Variants in XKR4 observed in about 807,000 individuals in gnomAD.
XKR4 encodes XK-related protein 4.
In XKR4, 12 loss-of-function variants were observed where a neutral mutation model predicts 53.9. The ratio of observed to expected loss-of-function variants is 0.22; its 90% CI spans 0.14 to 0.36. The LOEUF (loss-of-function observed/expected upper bound fraction) is 0.36, where lower values mean the gene tolerates loss of function less well. XKR4 is among the 10% of genes least tolerant of loss of function. The probability of loss-of-function intolerance (pLI) is 1.00; values close to 1 mark genes in which losing one functional copy is unlikely to be tolerated. For missense variants in XKR4, 799 were observed against 859.5 expected, an observed-to-expected ratio of 0.93 and a Z score of 0.88; for synonymous variants, 354 against 362.4, an observed-to-expected ratio of 0.98 and a Z score of 0.26.
chr8:55,435,572 A>AT (rs111621836), intron 2 of XKR4, among the ~76,000 whole-genome samples: 22,127 of 138,854 alleles, frequency 0.16, 2,081 homozygotes, highest in East Asian at 0.38. Context: ...TTATTTTTTT[A>AT]TTTTTTTTTA....
chr8:55,356,380 T>C (rs996120400), intron 1 of XKR4, among the ~76,000 whole-genome samples: 3 of 152,050 alleles, frequency 2.0e-5, no homozygotes, highest in Non-Finnish European at 2.9e-5. Flanking sequence ...AACCACACCA[T>C]GCAAATACAA....
chr8:55,145,790 T>A (rs1816766004), intron 1 of XKR4, among the ~76,000 whole-genome samples: 1 of 152,236 alleles, frequency 6.6e-6, no homozygotes, highest in African/African-American at 2.4e-5. Flanking sequence ...TCTGTTTACA[T>A]CTTTTCATCT....
intron 2 of XKR4, among the ~76,000 whole-genome samples, chr8:55,399,842 G>A (rs187736359): frequency 7.2e-5 from 11 of 152,308 alleles, no homozygotes; most frequent in African/African-American, 2.4e-4. Flanking sequence ...GGAGTCCATC[G>A]TGGAGACTTG....
chr8:55,282,781 C>A (rs2129374091), intron 1 of XKR4, among the ~76,000 whole-genome samples: 1 of 152,312 alleles, frequency 6.6e-6, no homozygotes, highest in African/African-American at 2.4e-5. Flanking sequence ...GCCAGTTATA[C>A]AAAACTGTAT....
Position 55,241,087 on chromosome 8 carries a change from A to T in XKR4, c.807-116591A>T, listed in dbSNP as rs560448863. On this transcript the variant is annotated intron_variant, in intron 1 of 2. Coordinates refer to ENST00000327381, the MANE Select transcript of XKR4 (RefSeq NM_052898.2). ...TGCTCACATCTACTTTAAAAAAAGAAACCTTCAAAACTAGTGTATTTGACT... is the reference window on the plus strand; with the variant it reads ...TGCTCACATCTACTTTAAAAAAAGATACCTTCAAAACTAGTGTATTTGACT... Among the ~76,000 whole-genome samples, 5 of 152,348 alleles carry T rather than the reference A, an allele frequency of 3.3e-5. No homozygotes were observed. In the East Asian group the frequency reaches 9.6e-4, roughly 29 times the overall value.
chr8:55,409,421 A>G (rs1804743025), intron 2 of XKR4, among the ~76,000 whole-genome samples: 1 of 152,242 alleles, frequency 6.6e-6, no homozygotes, highest in Non-Finnish European at 1.5e-5. Flanking sequence ...TTATTTAACC[A>G]GAGTGAGCTT....
intron 2 of XKR4, among the ~76,000 whole-genome samples, chr8:55,363,782 G>A (rs1432807851): frequency 6.6e-6 from 1 of 152,178 alleles, no homozygotes; most frequent in Non-Finnish European, 1.5e-5. Context: ...GAGAGTGCCA[G>A]TCTGTGAGGG....
At chr8:55,167,001 A>G (rs1354108449) in intron 1 of XKR4, among the ~76,000 whole-genome samples, 1 of 152,194 alleles carries the variant, frequency 6.6e-6, no homozygotes, top group African/African-American at 2.4e-5. Context: ...CAAGGGAGAG[A>G]GGATGGAAAC....
chr8:55,195,875 T>G (rs1817498255), intron 1 of XKR4, among the ~76,000 whole-genome samples: 1 of 152,142 alleles, frequency 6.6e-6, no homozygotes, highest in Non-Finnish European at 1.5e-5. Flanking sequence ...ATACCACAGC[T>G]CAGGCCACGC....
intron 1 of XKR4, among the ~76,000 whole-genome samples, chr8:55,323,612 G>T (rs909818756): frequency 2.6e-5 from 4 of 152,316 alleles, no homozygotes; most frequent in African/African-American, 9.6e-5. Flanking sequence ...CATTTGGGTT[G>T]TTTCCAGGTT....
chr8:55,508,680 G>C (rs1208938689), intron 2 of XKR4, among the ~76,000 whole-genome samples: 1 of 152,234 alleles, frequency 6.6e-6, no homozygotes, highest in Non-Finnish European at 1.5e-5. Context: ...GAGAGAAGGA[G>C]GTGGAGGCCC....
At chr8:55,357,577 C>T in intron 1 of XKR4, 101 bp from the exon 2 acceptor site, 1 of 1,230,784 alleles carries the variant, frequency 8.1e-7, no homozygotes, top group Non-Finnish European at 1.2e-6. Flanking sequence ...GTTTCTTGTG[C>T]TTGCTTGCAT....
intron 1 of XKR4, among the ~76,000 whole-genome samples, chr8:55,306,966 G>A: frequency 6.7e-6 from 1 of 148,678 alleles, no homozygotes; most frequent in Non-Finnish European, 1.5e-5. Flanking sequence ...CTCAACCTAA[G>A]CCTCACACCT....
intron 2 of XKR4, among the ~76,000 whole-genome samples, chr8:55,471,797 C>T (rs1423656371): frequency 2.0e-5 from 3 of 152,102 alleles, no homozygotes; most frequent in African/African-American, 7.3e-5. Context: ...CCCCCTCTTG[C>T]TCCTGCTCTT....
intron 1 of XKR4, chr8:55,142,372 G>T (rs1816718139): frequency 3.2e-6 from 1 of 314,290 alleles, no homozygotes; most frequent in African/African-American, 2.2e-5. Context: ...GGTCTGTCCT[G>T]CCTCTTGGCA....
intron 2 of XKR4, among the ~76,000 whole-genome samples, chr8:55,412,745 C>G (rs1688729726): frequency 6.6e-6 from 1 of 152,242 alleles, no homozygotes; most frequent in African/African-American, 2.4e-5. Context: ...CAGGAGAACA[C>G]TCTGAGCTGC....
chr8:55,112,570 T>TTTG (rs1358203624), intron 1 of XKR4, among the ~76,000 whole-genome samples: 2 of 135,724 alleles, frequency 1.5e-5, no homozygotes, highest in Non-Finnish European at 3.2e-5. Context: ...AGGTTTTTTT[T>TTTG]TTTTTTTTTT....
At chr8:55,149,247 TCTAA>T (rs1400528303) in intron 1 of XKR4, among the ~76,000 whole-genome samples, 2 of 152,228 alleles carry the variant, frequency 1.3e-5, no homozygotes, top group African/African-American at 4.8e-5. Flanking sequence ...CCTCATATTA[TCTAA>T]CTAATTGTTT....
chr8:55,144,649 C>G (rs1816747246), intron 1 of XKR4, among the ~76,000 whole-genome samples: 2 of 151,876 alleles, frequency 1.3e-5, no homozygotes, highest in Non-Finnish European at 2.9e-5. Context: ...ATAGACAAAA[C>G]AAAACAACAT....
Sources: gnomAD v4.1 joint callset for allele counts (sites outside exome capture counted in the v4.1 genomes callset) on GRCh38, gnomAD v4.1.1 for gene constraint, MANE v1.5 for transcripts, NCBI Gene and HGNC (gene_info 2026-07-23, HGNC 2026-07-21) for gene names.